The following EPB41L3 variants were observed in gnomAD, a reference collection of about 807,000 sequenced individuals.
EPB41L3 encodes the protein erythrocyte membrane protein band 4.1 like 3, also known as band 4.1-like protein 3.
EPB41L3 carries 57 observed loss-of-function variants against 127.1 expected under a neutral mutation model. That is an observed-to-expected ratio of 0.45 (90% CI 0.36 to 0.56). EPB41L3 has a LOEUF of 0.56. Among genes scored for constraint, EPB41L3 ranks in the 20% least tolerant of loss-of-function variants. The pLI is 0.00. For synonymous variants in EPB41L3, 572 were observed against 549.5 expected, an observed-to-expected ratio of 1.04 and a Z score of -0.57; for missense variants, 1,273 against 1,372.2, an observed-to-expected ratio of 0.93 and a Z score of 1.14.
At chr18:5,590,566 T>TCACACA (rs35652184) in intron 3 of EPB41L3, among the ~76,000 whole-genome samples, 7 of 150,050 alleles carry the variant, frequency 4.7e-5, no homozygotes, top group African/African-American at 9.8e-5. Flanking sequence ...AACACTATGT[T>TCACACA]CACACACACA....
chr18:5,563,242 A>G (rs2094156377), intron 3 of EPB41L3, among the ~76,000 whole-genome samples: 1 of 152,190 alleles, frequency 6.6e-6, no homozygotes. Context: ...GTGATTGACA[A>G]TTATGCACAT....
intron 3 of EPB41L3, among the ~76,000 whole-genome samples, chr18:5,469,934 C>T (rs2085799768): frequency 6.6e-6 from 1 of 152,108 alleles, no homozygotes; most frequent in Non-Finnish European, 1.5e-5. Context: ...AATGCGCCAC[C>T]ATGCACAGCT....
intron 3 of EPB41L3, among the ~76,000 whole-genome samples, chr18:5,564,031 C>T (rs763209888): frequency 1.5e-4 from 23 of 151,948 alleles, no homozygotes; most frequent in Non-Finnish European, 2.6e-4. Context: ...AAGGAAGTAT[C>T]GAAAAGAGAG....
chr18:5,455,773 T>C (rs929686357), intron 3 of EPB41L3, among the ~76,000 whole-genome samples: 1 of 150,938 alleles, frequency 6.6e-6, no homozygotes, highest in Non-Finnish European at 1.5e-5. Flanking sequence ...TTGGGCTTGA[T>C]TTTTTGCAAA....
At chr18:5,436,660 G>A (rs577983802) in intron 6 of EPB41L3, among the ~76,000 whole-genome samples, 5 of 151,952 alleles carry the variant, frequency 3.3e-5, no homozygotes, top group Admixed American at 2.0e-4. Flanking sequence ...CACCTGCCTC[G>A]GCCTCCCAAA....
chr18:5,510,116 G>A (rs186310323), intron 1 of EPB41L3, among the ~76,000 whole-genome samples: 124 of 152,238 alleles, frequency 8.1e-4, no homozygotes, highest in Middle Eastern at 6.8e-3. Context: ...GACTTTGTAC[G>A]TACTGTGATT....
chr18:5,499,812 ATACT>A (rs1430975210), intron 1 of EPB41L3, among the ~76,000 whole-genome samples: 6 of 123,786 alleles, frequency 4.8e-5, no homozygotes, highest in South Asian at 2.5e-4. Context: ...TCCCTACTAC[ATACT>A]TACTATGTGT....
At chr18:5,613,493 T>C (rs560025436) in intron 2 of EPB41L3, among the ~76,000 whole-genome samples, 4 of 152,288 alleles carry the variant, frequency 2.6e-5, no homozygotes, top group South Asian at 2.1e-4. Flanking sequence ...AGTCACCCTA[T>C]TGACCCCTCC....
At chr18:5,605,726 C>T (rs1375299553) in intron 3 of EPB41L3, among the ~76,000 whole-genome samples, 2 of 152,130 alleles carry the variant, frequency 1.3e-5, no homozygotes, top group Non-Finnish European at 2.9e-5. Flanking sequence ...GGTCCAACCT[C>T]TTTCTGATTT....
chr18:5,434,150 G>GA (rs2079393646), intron 6 of EPB41L3, 29 bp from the exon 7 acceptor site: 1 of 1,586,960 alleles, frequency 6.3e-7, no homozygotes, highest in African/African-American at 1.3e-5. Context: ...ACAACACAAC[G>GA]AAGGCAGCAT....
chr18:5,473,936 G>A (rs2086641799), intron 3 of EPB41L3, among the ~76,000 whole-genome samples: 1 of 152,038 alleles, frequency 6.6e-6, no homozygotes, highest in Non-Finnish European at 1.5e-5. Context: ...AAAAATTAGT[G>A]AGGAAAGTCT....
At chr18:5,535,839 T>A (rs1483365601) in intron 1 of EPB41L3, among the ~76,000 whole-genome samples, 1 of 152,216 alleles carries the variant, frequency 6.6e-6, no homozygotes, top group Non-Finnish European at 1.5e-5. Context: ...GAATGGAATA[T>A]GACATTTGTT....
At chr18:5,476,021 T>C (rs1386285145) in intron 3 of EPB41L3, among the ~76,000 whole-genome samples, 1 of 152,168 alleles carries the variant, frequency 6.6e-6, no homozygotes, top group Non-Finnish European at 1.5e-5. Flanking sequence ...CCATTGTTTA[T>C]ATCAAAACGC....
chr18:5,575,186 G>A (rs2094325329), intron 3 of EPB41L3, among the ~76,000 whole-genome samples: 1 of 152,138 alleles, frequency 6.6e-6, no homozygotes, highest in African/African-American at 2.4e-5. Context: ...GTTTAATTGT[G>A]AGTAATTCGC....
intron 3 of EPB41L3, among the ~76,000 whole-genome samples, chr18:5,593,667 G>T (rs1785405): frequency 3.3e-5 from 5 of 151,922 alleles, no homozygotes; most frequent in South Asian, 2.1e-4. Flanking sequence ...GAATTTCCTC[G>T]TCCTAATAAG....
intron 1 of EPB41L3, among the ~76,000 whole-genome samples, chr18:5,525,703 T>C (rs1372613513): frequency 6.6e-6 from 1 of 152,154 alleles, no homozygotes; most frequent in Non-Finnish European, 1.5e-5. Flanking sequence ...ATATATGAAA[T>C]GAGAATTAAC....
In EPB41L3 at chr18:5,424,289, A is replaced by T. The variant is rs535868224; in HGVS notation, c.1136T>A (p.Val379Glu). 1 of 1,607,760 alleles carries T rather than the reference A, an allele frequency of 6.2e-7. No homozygotes were observed. The highest frequency in any genetic ancestry group is 1.7e-5 in the Admixed American group (1 of 59,082). ...GAAAAATGTATGATGCTCAACACAT[A>T]CTTTCCATAAACGCTTGGCAGCTCG... is the stretch of plus-strand genomic sequence containing the variant. ...NHRAAKRLWK[V>E]CVEHHTFFRL... The change falls in exon 10 of 23, where the codon GTA (valine) becomes GAA (glutamate). Residue 379 changes from valine (V) to glutamate (E), a missense_variant. Coordinates refer to ENST00000341928, the MANE Select transcript of EPB41L3 (RefSeq NM_012307.5).
intron 5 of EPB41L3, among the ~76,000 whole-genome samples, chr18:5,438,416 C>T (rs1002483456): frequency 2.0e-4 from 30 of 152,134 alleles, no homozygotes; most frequent in Non-Finnish European, 3.7e-4. Flanking sequence ...ATGAGTGACA[C>T]GAATAATCTT....
At chr18:5,582,421 A>G (rs184286571) in intron 3 of EPB41L3, among the ~76,000 whole-genome samples, 2 of 152,304 alleles carry the variant, frequency 1.3e-5, no homozygotes, top group African/African-American at 4.8e-5. Context: ...CTGCTTAGAG[A>G]TCTGTGATTT....
Sources: allele counts gnomAD v4.1 joint callset (sites outside exome capture counted in the v4.1 genomes callset), GRCh38; gene constraint gnomAD v4.1.1; transcripts MANE v1.5; gene names NCBI Gene and HGNC (gene_info 2026-07-23, HGNC 2026-07-21).